Variants in ARHGEF40 observed in about 807,000 individuals in gnomAD.
The protein encoded by ARHGEF40 is Rho guanine nucleotide exchange factor 40, also known as Rho guanine nucleotide exchange factor (GEF) 40.
ARHGEF40 carries 98 observed loss-of-function variants against 165.9 expected under a neutral mutation model. The observed-to-expected ratio is 0.59, with a 90% CI of 0.50 to 0.70. ARHGEF40 has a LOEUF of 0.70. ARHGEF40 is among the 30% of genes least tolerant of loss of function. The pLI, the probability that ARHGEF40 is intolerant of heterozygous loss-of-function variation, is 0.00. For synonymous variants in ARHGEF40, 792 were observed against 814.3 expected, an observed-to-expected ratio of 0.97 and a Z score of 0.47; for missense variants, 1,815 against 1,968.0, an observed-to-expected ratio of 0.92 and a Z score of 1.47.
Position 21,081,684 on chromosome 14 carries a change from G to C in ARHGEF40, c.2816G>C (p.Gly939Ala), listed in dbSNP as rs761467308. ...AGCCCAGCAGCCCTGCGAGAATGGG[G>C]CCGCTGCCAGGCCCGCTGCCAAGAG... ...LGSPAALREW[G>A]RCQARCQELE... The change falls in exon 14 of 24, where the codon GGC becomes GCC. Residue 939 changes from glycine to alanine, a missense_variant. By Grantham distance (60) the Gly-to-Ala change is moderately conservative. Coordinates refer to ENST00000298694, the MANE Select transcript of ARHGEF40 (RefSeq NM_018071.5). 1.3e-6 allele frequency: 2 copies of C among 1,588,814 alleles called. No homozygotes were observed. Among genetic ancestry groups the C allele is most frequent in the Non-Finnish European group, 1.7e-6 (2 of 1,168,056 alleles).
Position 21,087,328 on chromosome 14 carries a change from ACCCGGG to A in ARHGEF40, c.4255_4260del (p.Arg1419_Ala1420del), listed in dbSNP as rs1350422069. ...CTCCCCACTCTCTGCAGCCGCCCGC[ACCCGGG>A]CCTCCGTGGCCGTGTCATCCTTTGA... is the stretch of plus-strand genomic sequence containing the variant. On this transcript the variant is annotated inframe_deletion, in exon 21 of 24. Transcript: ENST00000298694. The A allele has an allele frequency of 6.2e-7, 1 of 1,604,898 alleles. No individual in the cohort carries two copies. The highest frequency in any genetic ancestry group is 8.5e-7 in the Non-Finnish European group (1 of 1,178,848).
chr14:21,081,372 G>T, intron 13 of ARHGEF40, 137 bp from the exon 14 acceptor site: 1 of 1,258,866 alleles, frequency 7.9e-7, no homozygotes, highest in Non-Finnish European at 1.1e-6. Flanking sequence ...AGTGATGGTG[G>T]AACAGTGAGA....
At position 21,073,469 on chromosome 14, in the gene ARHGEF40, C is replaced by T. The variant is rs1221813252; in HGVS notation, c.201+227C>T. Among the ~76,000 whole-genome samples the T allele has an allele frequency of 6.6e-6, 1 of 151,818 alleles. No individual in the cohort carries two copies. The highest frequency in any genetic ancestry group is 1.5e-5 in the Non-Finnish European group (1 of 67,958). On this transcript the variant is annotated intron_variant, in intron 2 of 23. Coordinates refer to ENST00000298694, the MANE Select transcript of ARHGEF40 (RefSeq NM_018071.5). This position sits in a 1 kb window ranked among gnomAD's most constrained non-coding sequence, Gnocchi z 4.6. ...ACACACACACACACACATTCATCTT[C>T]CCCAAATTCATCTTGACCCCAATAC...
At chr14:21,081,164 G>A in intron 13 of ARHGEF40, 148 bp downstream of exon 13, 1 of 1,278,354 alleles carries the variant, frequency 7.8e-7, no homozygotes, top group Non-Finnish European at 1.1e-6. Context: ...CCTCCTTGCT[G>A]AATGGCATGG....
chr14:21,082,997 C>A (rs2139253780), intron 16 of ARHGEF40, 80 bp downstream of exon 16: 1 of 1,270,420 alleles, frequency 7.9e-7, no homozygotes, highest in Non-Finnish European at 1.1e-6. Context: ...TCCCTCAGGG[C>A]AAAAAACTGG....
Position 21,081,754 on chromosome 14 carries a change from A to ACGGGGCTAC in ARHGEF40, c.2889_2897dup (p.Gly964_Arg966dup). 6.3e-7 allele frequency: 1 copy of ACGGGGCTAC among 1,586,274 alleles called. No individual in the cohort carries two copies. Among genetic ancestry groups the ACGGGGCTAC allele is most frequent in the Non-Finnish European group, 8.6e-7 (1 of 1,166,744 alleles). On this transcript the variant is annotated inframe_insertion, in exon 14 of 24. Transcript: ENST00000298694. ...AACACGTGGGAGAGGAGGCGAGCCC[A>ACGGGGCTAC]CGGGGCTACCGACGACGGCGGGCAG...
chr14:21,080,531 C>A, intron 11 of ARHGEF40, 129 bp from the exon 12 acceptor site: 1 of 1,027,304 alleles, frequency 9.7e-7, no homozygotes, highest in Non-Finnish European at 1.4e-6. Flanking sequence ...GTCATTCCCA[C>A]ATTGCAGATG....
In ARHGEF40 at chr14:21,070,434, G is replaced by C; in HGVS notation, c.3+35G>C. On this transcript the variant is annotated intron_variant, in intron 1 of 23. Transcript: ENST00000298694. The surrounding 1 kb of genome is among the most constrained non-coding windows in gnomAD (Gnocchi z 4.7). ...GCGTCGCAGCCCCCTGGGTCCCCTC[G>C]GCCTTCGCGCAGCCCGCTCCGGGCC... 7.2e-7 allele frequency: 1 copy of C among 1,392,074 alleles called. No homozygotes were observed. Among genetic ancestry groups the C allele is most frequent in the Non-Finnish European group, 9.2e-7 (1 of 1,081,134 alleles). The allele number at this position is 1,392,074 out of a possible 1,614,324, so 86.2% of individuals were successfully genotyped here.
upstream of ARHGEF40, among the ~76,000 whole-genome samples, chr14:21,065,614 G>A (rs1195891918): frequency 6.6e-6 from 1 of 152,142 alleles, no homozygotes; most frequent in Non-Finnish European, 1.5e-5. Context: ...AAAGACAATG[G>A]GTGAGAGACC....
chr14:21,082,386 A>G lies in ARHGEF40; in HGVS notation c.3394A>G (p.Arg1132Gly). Residue 1132 changes from arginine to glycine, a missense_variant, in exon 15 of 24, where the codon AGG (arginine) becomes GGG (glycine). Coordinates refer to ENST00000298694, the MANE Select transcript of ARHGEF40 (RefSeq NM_018071.5). ...TWAAALSARE[R>G]LRSFHRTHFL... ...GGCTGCTGCCCTGAGTGCCCGGGAAAGGCTTCGCAGCTTCCACCGGACACA... is the reference window on the plus strand; with the variant it reads ...GGCTGCTGCCCTGAGTGCCCGGGAAGGGCTTCGCAGCTTCCACCGGACACA... The G allele has an allele frequency of 6.2e-7, 1 of 1,611,754 alleles. No individual in the cohort carries two copies. The highest frequency in any genetic ancestry group is 8.5e-7 in the Non-Finnish European group (1 of 1,179,444).
In ARHGEF40 at chr14:21,083,965, C is replaced by A. The variant is rs1204072523; in HGVS notation, c.3704C>A (p.Ala1235Asp). The stretch of plus-strand genomic sequence containing the variant: ...CCTGAGCTCAGTTCTGAGTGCCGGG[C>A]CCTTGGGGCTGCTGTACAGCTGCTC... ...AGPELSSECRALGAAVQLLRE... is the reference protein window; with the variant it reads ...AGPELSSECRDLGAAVQLLRE... Residue 1235 changes from alanine to aspartate, a missense_variant, in exon 17 of 24, where the codon GCC becomes GAC. By Grantham distance (126) the Ala-to-Asp change is moderately radical (BLOSUM62 -2). Coordinates refer to ENST00000298694, the MANE Select transcript of ARHGEF40 (RefSeq NM_018071.5). 1 of 1,613,828 alleles carries A rather than the reference C, an allele frequency of 6.2e-7. No homozygotes were observed. Among genetic ancestry groups the A allele is most frequent in the Non-Finnish European group, 8.5e-7 (1 of 1,179,958 alleles).
chr14:21,083,861 G>GCC lies in ARHGEF40; in HGVS notation c.3603_3604dup (p.Arg1202ProfsTer11). 1 of 1,613,512 alleles carries GCC rather than the reference G, an allele frequency of 6.2e-7. No individual in the cohort carries two copies. Among genetic ancestry groups the GCC allele is most frequent in the Non-Finnish European group, 8.5e-7 (1 of 1,179,980 alleles). ...GCTCCATGGAGGCTGGCCCTTACCT[G>GCC]CCCCGAGCCCTGCAGCAGCCTCTGG... is the stretch of plus-strand genomic sequence containing the variant. On this transcript the variant is annotated frameshift_variant, in exon 17 of 24. Coordinates refer to ENST00000298694, the MANE Select transcript of ARHGEF40 (RefSeq NM_018071.5). LOFTEE classifies it high-confidence loss of function.
In ARHGEF40 at chr14:21,076,374, C is replaced by A; in HGVS notation, c.1754C>A (p.Thr585Lys). The change falls in exon 6 of 24, where the codon ACA becomes AAA. Residue 585 changes from threonine (T) to lysine (K), a missense_variant. Thr to Lys is a moderately conservative substitution (Grantham distance 78). Coordinates refer to ENST00000298694, the MANE Select transcript of ARHGEF40 (RefSeq NM_018071.5). ...LHSLLRPDLQ[T>K]LGLSVLLDLR... ...TGCTCCCGCAGGCCTGATCTACAGA[C>A]ACTGGGGCTGTCCGTCCTGCTGGAC... The A allele has an allele frequency of 6.2e-7, 1 of 1,613,452 alleles. No homozygotes were observed. The highest frequency in any genetic ancestry group is 8.5e-7 in the Non-Finnish European group (1 of 1,180,018).
At chr14:21,080,247 CA>C (rs1272558293) in intron 11 of ARHGEF40, among the ~76,000 whole-genome samples, 26 of 100,412 alleles carry the variant, frequency 2.6e-4, no homozygotes, top group East Asian at 1.6e-3. Context: ...CACACACACA[CA>C]CCCCTTCTGT....
chr14:21,084,831 C>T lies in ARHGEF40; in HGVS notation c.3868C>T (p.His1290Tyr). ...CTGTGGCCGAAAGAAGTGCCTTCGCCATGTCTTTCTCTTCGAGCATCTCCT... is the reference window on the plus strand; with the variant it reads ...CTGTGGCCGAAAGAAGTGCCTTCGCTATGTCTTTCTCTTCGAGCATCTCCT... ...VICGRKKCLR[H>Y]VFLFEHLLLF... Residue 1290 changes from histidine to tyrosine, a missense_variant, in exon 18 of 24, where the codon CAT becomes TAT. Transcript: ENST00000298694. The T allele has an allele frequency of 6.2e-7, 1 of 1,614,224 alleles. No homozygotes were observed. Among genetic ancestry groups the T allele is most frequent in the East Asian group, 2.2e-5 (1 of 44,880 alleles).
the ARHGEF40 span, among the ~76,000 whole-genome samples, chr14:21,062,732 T>TGTGTGTGTGTGA: frequency 6.6e-6 from 1 of 150,720 alleles, no homozygotes; most frequent in African/African-American, 2.4e-5. Context: ...TGTGTGTGTG[T>TGTGTGTGTGTGA]GTGTGTGTGT....
chr14:21,085,755 C>T lies in ARHGEF40; in HGVS notation c.4027C>T (p.Arg1343Trp), dbSNP rs756016433. Residue 1343 changes from arginine to tryptophan, a missense_variant, in exon 19 of 24, where the codon CGG becomes TGG. Coordinates refer to ENST00000298694, the MANE Select transcript of ARHGEF40 (RefSeq NM_018071.5). ...ACTCTGCTTTGAGTTGTGGTTTCGG[C>T]GGCGGCGTGCACGAGAGGCATACAC... ...SGLCFELWFR[R>W]RRAREAYTLQ... The T allele has an allele frequency of 2.2e-5, 35 of 1,614,012 alleles. No individual in the cohort carries two copies. Among genetic ancestry groups the T allele is most frequent in the Non-Finnish European group, 2.8e-5 (33 of 1,180,048 alleles).
At chr14:21,062,365 G>A in the ARHGEF40 span, among the ~76,000 whole-genome samples, 67 of 152,292 alleles carry the variant, frequency 4.4e-4, no homozygotes, top group Non-Finnish European at 8.4e-4. Context: ...AAGGGCATGC[G>A]ACTGGCAGTG....
At chr14:21,087,504 A>G (rs1227480801) in intron 21 of ARHGEF40, 41 bp downstream of exon 21, 1 of 1,591,868 alleles carries the variant, frequency 6.3e-7, no homozygotes, top group African/African-American at 1.3e-5. Flanking sequence ...CAGCTCGGTC[A>G]TGGTGGTGAT....
Sources: gnomAD v4.1 joint callset for allele counts (sites outside exome capture counted in the v4.1 genomes callset) on GRCh38, gnomAD v4.1.1 for gene constraint, Gnocchi (gnomAD v3.1) non-coding constraint, MANE v1.5 for transcripts, NCBI Gene and HGNC (gene_info 2026-07-23, HGNC 2026-07-21) for gene names.